Variants in POT1 observed in about 807,000 individuals in gnomAD.
The protein encoded by POT1 is protection of telomeres 1.
A neutral mutation model predicts 78.5 loss-of-function variants in POT1; 47 were observed. The ratio of observed to expected loss-of-function variants is 0.60; its 90% CI spans 0.47 to 0.76. POT1 has a LOEUF of 0.76. Ranked by LOEUF, POT1 falls within the 30% of genes least tolerant of loss-of-function variation. The probability of loss-of-function intolerance (pLI) is 0.00; values close to 1 mark genes in which losing one functional copy is unlikely to be tolerated. For missense variants in POT1, 646 were observed against 749.9 expected (o/e 0.86, Z 1.62); for synonymous variants, 259 against 260.7 (o/e 0.99, Z 0.06).
intron 6 of POT1, among the ~76,000 whole-genome samples, chr7:124,886,927 A>C (rs1438023642): frequency 6.6e-6 from 1 of 152,102 alleles, no homozygotes; most frequent in African/African-American, 2.4e-5. Context: ...ATGTATTTGC[A>C]GATCAACTTG....
chr7:124,893,068 C>A (rs558280125), intron 5 of POT1, among the ~76,000 whole-genome samples: 11 of 151,346 alleles, frequency 7.3e-5, no homozygotes, highest in South Asian at 4.1e-4. Flanking sequence ...CTCAAGGAAT[C>A]TTTTAGTAAT....
intron 10 of POT1, among the ~76,000 whole-genome samples, chr7:124,852,678 T>A (rs938911366): frequency 6.6e-6 from 1 of 152,212 alleles, no homozygotes; most frequent in Admixed American, 6.5e-5. Flanking sequence ...AGCTAAGGTC[T>A]AGTTTCCCCT....
At chr7:124,828,419 GA>G (rs1200565044) in intron 16 of POT1, among the ~76,000 whole-genome samples, 1 of 152,150 alleles carries the variant, frequency 6.6e-6, no homozygotes, top group African/African-American at 2.4e-5. Context: ...TCAATTTATA[GA>G]ATGTTTTATT....
intron 7 of POT1, among the ~76,000 whole-genome samples, chr7:124,865,035 AT>A (rs1795687120): frequency 1.3e-5 from 2 of 152,190 alleles, no homozygotes; most frequent in Admixed American, 1.3e-4. Flanking sequence ...TTTATATAAA[AT>A]GTTTTTATTT....
At chr7:124,879,724 G>A (rs1796074833) in intron 6 of POT1, among the ~76,000 whole-genome samples, 1 of 151,816 alleles carries the variant, frequency 6.6e-6, no homozygotes, top group Non-Finnish European at 1.5e-5. Flanking sequence ...TTTCTGAGAG[G>A]GAAAATTCAT....
chr7:124,858,075 T>C (rs555549462), intron 9 of POT1, among the ~76,000 whole-genome samples: 2 of 152,310 alleles, frequency 1.3e-5, no homozygotes, highest in South Asian at 4.1e-4. Flanking sequence ...CTGCCAGCAC[T>C]GAAGCGGCTG....
intron 9 of POT1, among the ~76,000 whole-genome samples, chr7:124,857,218 C>G: frequency 6.6e-6 from 1 of 152,134 alleles, no homozygotes; most frequent in Non-Finnish European, 1.5e-5. Context: ...CTTTTAATTT[C>G]CTATAAGTAG....
At chr7:124,837,796 A>C (rs1023577187) in intron 14 of POT1, among the ~76,000 whole-genome samples, 1 of 152,150 alleles carries the variant, frequency 6.6e-6, no homozygotes, top group African/African-American at 2.4e-5. Context: ...AAACACATAA[A>C]AAAATACTCA....
intron 3 of POT1, among the ~76,000 whole-genome samples, chr7:124,901,755 C>T (rs1179701820): frequency 6.6e-6 from 1 of 152,112 alleles, no homozygotes; most frequent in African/African-American, 2.4e-5. Flanking sequence ...GATGTTTGAA[C>T]CCATCGCACA....
chr7:124,885,955 G>A (rs1158274296), intron 6 of POT1, among the ~76,000 whole-genome samples: 1 of 152,036 alleles, frequency 6.6e-6, no homozygotes. Flanking sequence ...AACTCTGATA[G>A]TTCTGATAGA....
chr7:124,912,277 G>A (rs983633680), intron 3 of POT1, among the ~76,000 whole-genome samples: 2 of 151,844 alleles, frequency 1.3e-5, no homozygotes, highest in Admixed American at 1.3e-4. Flanking sequence ...TGGAATTAAG[G>A]GTTTTAACTC....
At chr7:124,924,483 A>T (rs1035826773) in intron 2 of POT1, among the ~76,000 whole-genome samples, 2 of 149,702 alleles carry the variant, frequency 1.3e-5, no homozygotes, top group Admixed American at 6.7e-5. Context: ...TATCAGTAAT[A>T]AAAAAATCCC....
chr7:124,912,617 C>A (rs1405900432), intron 3 of POT1, among the ~76,000 whole-genome samples: 1 of 152,088 alleles, frequency 6.6e-6, no homozygotes, highest in Non-Finnish European at 1.5e-5. Flanking sequence ...AGAACGTATG[C>A]TGCATAAGGA....
intron 3 of POT1, among the ~76,000 whole-genome samples, chr7:124,903,353 C>G (rs1796673454): frequency 6.6e-6 from 1 of 152,174 alleles, no homozygotes; most frequent in Admixed American, 6.5e-5. Flanking sequence ...CAAATTAGAA[C>G]TCAGGATTAA....
intron 14 of POT1, 35 bp downstream of exon 14, chr7:124,840,938 A>G (rs1272636216): frequency 6.8e-7 from 1 of 1,466,096 alleles, no homozygotes; most frequent in African/African-American, 1.4e-5. Flanking sequence ...ATGCAAAAGG[A>G]GTATTCTAAC....
intron 3 of POT1, among the ~76,000 whole-genome samples, chr7:124,913,278 T>C (rs776673451): frequency 3.3e-5 from 5 of 152,174 alleles, no homozygotes; most frequent in Non-Finnish European, 7.3e-5. Flanking sequence ...TATTTCTTCT[T>C]TGAGGATACA....
At chr7:124,901,188 C>G (rs1029056021) in intron 3 of POT1, among the ~76,000 whole-genome samples, 3 of 152,196 alleles carry the variant, frequency 2.0e-5, no homozygotes, top group Admixed American at 6.5e-5. Flanking sequence ...TGAAAATGGA[C>G]AGATTGCCTC....
chr7:124,878,867 C>T (rs187366912), intron 6 of POT1, among the ~76,000 whole-genome samples: 69 of 151,786 alleles, frequency 4.5e-4, no homozygotes, highest in Admixed American at 9.9e-4. Context: ...AATATAAATG[C>T]TCATAATTAT....
chr7:124,906,871 A>T (rs1796778225), intron 3 of POT1, among the ~76,000 whole-genome samples: 1 of 152,094 alleles, frequency 6.6e-6, no homozygotes, highest in South Asian at 2.1e-4. Flanking sequence ...AAGTACACAG[A>T]GGATAAGAAA....
Sources: allele counts gnomAD v4.1 joint callset (sites outside exome capture counted in the v4.1 genomes callset), GRCh38; gene constraint gnomAD v4.1.1; transcripts MANE v1.5; gene names NCBI Gene and HGNC (gene_info 2026-07-23, HGNC 2026-07-21).